The following RAI14 variants were observed in gnomAD, a reference collection of about 807,000 sequenced individuals.
RAI14 encodes ankycorbin.
RAI14 carries 45 observed loss-of-function variants against 115.4 expected under a neutral mutation model. The ratio of observed to expected loss-of-function variants is 0.39; its 90% CI spans 0.31 to 0.50. RAI14 has a LOEUF of 0.50. Ranked by LOEUF, RAI14 falls within the 20% of genes least tolerant of loss-of-function variation. The pLI is 0.85. For synonymous variants in RAI14, 371 were observed against 415.4 expected (o/e 0.89, Z 1.30); for missense variants, 939 against 1,131.2 (o/e 0.83, Z 2.44).
chr5:34,707,883 C>T (rs1579977492), intron 2 of RAI14, among the ~76,000 whole-genome samples: 1 of 152,150 alleles, frequency 6.6e-6, no homozygotes, highest in Non-Finnish European at 1.5e-5. Context: ...AGGAAATCCT[C>T]AAGCCTCTGA....
At chr5:34,766,132 C>T (rs1749319258) in intron 3 of RAI14, among the ~76,000 whole-genome samples, 2 of 152,218 alleles carry the variant, frequency 1.3e-5, no homozygotes, top group Admixed American at 1.3e-4. Context: ...GTGGGGTGCA[C>T]ATGGAGAACC....
intron 2 of RAI14, among the ~76,000 whole-genome samples, chr5:34,753,845 C>T (rs1174415226): frequency 2.0e-5 from 3 of 148,410 alleles, no homozygotes; most frequent in Non-Finnish European, 3.0e-5. Context: ...ACCCAGGAAG[C>T]GGAGGTTGCA....
At chr5:34,764,551 C>T (rs1176288070) in intron 3 of RAI14, among the ~76,000 whole-genome samples, 5,943 of 151,662 alleles carry the variant, frequency 0.039, 233 homozygotes, top group African/African-American at 0.098. Context: ...CTCTCTCTCT[C>T]TCTCTCTCTC....
chr5:34,797,309 T>A (rs1753653779), intron 4 of RAI14, among the ~76,000 whole-genome samples: 1 of 152,264 alleles, frequency 6.6e-6, no homozygotes, highest in African/African-American at 2.4e-5. Flanking sequence ...TCTTGAGGGA[T>A]CAGCCAGGTA....
At chr5:34,745,863 G>A (rs938668877) in intron 2 of RAI14, among the ~76,000 whole-genome samples, 3 of 151,978 alleles carry the variant, frequency 2.0e-5, no homozygotes, top group Non-Finnish European at 4.4e-5. Flanking sequence ...CACTGACCGG[G>A]CTTACTCTGT....
At chr5:34,778,502 G>T (rs10077037) in intron 3 of RAI14, among the ~76,000 whole-genome samples, 9,152 of 152,206 alleles carry the variant, frequency 0.06, 839 homozygotes, top group African/African-American at 0.2. Flanking sequence ...GGAGAATCTG[G>T]TTAGTACCTG....
chr5:34,797,785 G>C (rs1000978841), intron 4 of RAI14, among the ~76,000 whole-genome samples: 2 of 152,144 alleles, frequency 1.3e-5, no homozygotes, highest in Admixed American at 6.5e-5. Context: ...ACATGGTGCA[G>C]TATGATTTGC....
intron 2 of RAI14, among the ~76,000 whole-genome samples, chr5:34,696,734 G>A (rs1275211839): frequency 6.6e-6 from 1 of 152,228 alleles, no homozygotes; most frequent in African/African-American, 2.4e-5. Context: ...TACGCCAGAA[G>A]TTAACTATTG....
At chr5:34,726,061 G>A (rs755901354) in intron 2 of RAI14, among the ~76,000 whole-genome samples, 20 of 151,376 alleles carry the variant, frequency 1.3e-4, no homozygotes, top group African/African-American at 2.2e-4. Flanking sequence ...ATATTTAGAC[G>A]TTATACTAGT....
intron 1 of RAI14, among the ~76,000 whole-genome samples, chr5:34,662,890 G>C (rs1447507997): frequency 6.6e-6 from 1 of 151,410 alleles, no homozygotes; most frequent in Non-Finnish European, 1.5e-5. Flanking sequence ...CACCATGCCC[G>C]GCTGATTTTT....
At chr5:34,753,370 G>T (rs1294224360) in intron 2 of RAI14, among the ~76,000 whole-genome samples, 2 of 152,136 alleles carry the variant, frequency 1.3e-5, no homozygotes, top group Non-Finnish European at 2.9e-5. Context: ...TTGATGCTTG[G>T]GGGTGGGGGT....
intron 2 of RAI14, among the ~76,000 whole-genome samples, chr5:34,723,130 T>A (rs1743005167): frequency 6.7e-6 from 1 of 150,090 alleles, no homozygotes; most frequent in Admixed American, 6.6e-5. Context: ...CCACTTCATC[T>A]TATTTTATGG....
At chr5:34,741,982 C>G (rs1023956810) in intron 2 of RAI14, among the ~76,000 whole-genome samples, 2 of 152,068 alleles carry the variant, frequency 1.3e-5, no homozygotes, top group Non-Finnish European at 2.9e-5. Flanking sequence ...CGATGCCTGG[C>G]AAAAGTAGGA....
At chr5:34,812,950 C>T (rs946664205) in intron 10 of RAI14, among the ~76,000 whole-genome samples, 11 of 152,144 alleles carry the variant, frequency 7.2e-5, no homozygotes, top group Non-Finnish European at 1.3e-4. Flanking sequence ...TCTAGAACGT[C>T]ATGTGGTGTT....
At chr5:34,756,100 T>G (rs1561317406) in intron 2 of RAI14, among the ~76,000 whole-genome samples, 1 of 152,174 alleles carries the variant, frequency 6.6e-6, no homozygotes, top group Non-Finnish European at 1.5e-5. Context: ...GAGATGCAAA[T>G]TCTGAACACA....
At chr5:34,672,792 G>A (rs1220469941) in intron 1 of RAI14, among the ~76,000 whole-genome samples, 1 of 152,078 alleles carries the variant, frequency 6.6e-6, no homozygotes, top group Non-Finnish European at 1.5e-5. Context: ...TCATCATTAG[G>A]CATTGAGGTC....
intron 3 of RAI14, among the ~76,000 whole-genome samples, chr5:34,766,296 A>G (rs1053174702): frequency 2.4e-4 from 37 of 152,092 alleles, no homozygotes; most frequent in African/African-American, 8.9e-4. Context: ...TCACCTGGAA[A>G]AGCTGCAGAC....
chr5:34,733,153 T>C (rs1744411199), intron 2 of RAI14: 1 of 152,204 alleles, frequency 6.6e-6, no homozygotes, highest in Admixed American at 6.5e-5. Context: ...CAAGATTCCA[T>C]GAGAAATCTG....
chr5:34,687,799 C>A, intron 2 of RAI14: 1 of 1,497,964 alleles, frequency 6.7e-7, no homozygotes, highest in Non-Finnish European at 9.1e-7. Context: ...GATTTTATTG[C>A]TTTGCCGTGA....
Sources: gnomAD v4.1 joint callset for allele counts (sites outside exome capture counted in the v4.1 genomes callset) on GRCh38, gnomAD v4.1.1 for gene constraint, MANE v1.5 for transcripts, NCBI Gene and HGNC (gene_info 2026-07-23, HGNC 2026-07-21) for gene names.